The following RAB37 variants were observed in gnomAD, a reference collection of about 807,000 sequenced individuals.
The protein encoded by RAB37 is RAB37, member RAS oncogene family.
RAB37 carries 29 observed loss-of-function variants against 33.1 expected under a neutral mutation model. The ratio of observed to expected loss-of-function variants is 0.88; its 90% CI spans 0.65 to 1.20. The LOEUF is 1.20. Ranked by LOEUF, RAB37 falls within the 50% of genes most tolerant of loss-of-function variation. The pLI is 0.00. For synonymous variants in RAB37, 128 were observed against 119.5 expected (o/e 1.07, Z -0.47); for missense variants, 299 against 301.1 (o/e 0.99, Z 0.05).
intron 1 of RAB37, among the ~76,000 whole-genome samples, chr17:74,674,087 CT>C (rs1568051778): frequency 6.6e-6 from 1 of 152,072 alleles, no homozygotes; most frequent in East Asian, 1.9e-4. Context: ...AGGATAAATT[CT>C]TTTTTTGAAG....
At chr17:74,702,468 G>A (rs2033142931) in intron 1 of RAB37, among the ~76,000 whole-genome samples, 1 of 152,180 alleles carries the variant, frequency 6.6e-6, no homozygotes, top group South Asian at 2.1e-4. Flanking sequence ...ACAAAATAAT[G>A]CACAGGAAAG....
chr17:74,684,483 T>C (rs932838296), intron 1 of RAB37, among the ~76,000 whole-genome samples: 1 of 152,040 alleles, frequency 6.6e-6, no homozygotes, highest in African/African-American at 2.4e-5. Flanking sequence ...TGTTTCAAAA[T>C]ACATATCTTA....
Position 74,744,887 on chromosome 17 carries a change from C to A in RAB37, c.447C>A (p.Ser149Arg). The A allele has an allele frequency of 6.2e-7, 1 of 1,614,258 alleles. No homozygotes were observed. ...GGGCTTGACAGGCGGATATGAGCAG[C>A]GAAAGAGTGATCCGTTCCGAAGACG... ...MLLGNKADMSSERVIRSEDGE... is the reference protein window; with the variant it reads ...MLLGNKADMSRERVIRSEDGE... Residue 149 changes from serine (S) to arginine (R), a missense_variant, in exon 7 of 9, where the codon AGC becomes AGA. By Grantham distance (110) the Ser-to-Arg change is moderately radical. Transcript: ENST00000392613. The surrounding 1 kb of genome is among the most constrained non-coding windows in gnomAD (Gnocchi z 4.2).
chr17:74,744,852 T>A lies in RAB37; in HGVS notation c.433-21T>A. ...GGGGCGGAGGCCTCCTTCCCCAGAG[T>A]GACCCATTTGGGCTTGACAGGCGGA... On this transcript the variant is annotated intron_variant, in intron 6 of 8. Transcript: ENST00000392613. This position sits in a 1 kb window ranked among gnomAD's most constrained non-coding sequence, Gnocchi z 4.2. 6.2e-7 allele frequency: 1 copy of A among 1,614,112 alleles called. No homozygotes were observed.
In RAB37 at chr17:74,695,300, G is replaced by A; in HGVS notation, c.72+23642G>A. The A allele has an allele frequency of 1.2e-6, 2 of 1,606,638 alleles. 1 individual carries two copies. The highest frequency in any genetic ancestry group is 2.7e-5 in the African/African-American group (2 of 74,952). On this transcript the variant is annotated intron_variant, in intron 1 of 7. Transcript: ENST00000340415. ...TCAGAGAGGACGGCAGGAAGTGACG[G>A]TCACGGGGCAGAGGAGCCCTCGGAG...
At chr17:74,728,523 T>A (rs2034336337) in intron 1 of RAB37, among the ~76,000 whole-genome samples, 1 of 151,804 alleles carries the variant, frequency 6.6e-6, no homozygotes, top group African/African-American at 2.4e-5. Context: ...CATGTGTGTT[T>A]CTCTGTGTGT....
At position 74,729,646 on chromosome 17, in the gene RAB37, C is replaced by T. The variant is rs1836355786; in HGVS notation, c.183+280C>T. ...ACAAAGCAGGCTGCTGGGTGAGCTG[C>T]CTGGCAGGAGCTGCGTGGGACTTTC... is the stretch of plus-strand genomic sequence containing the variant. On this transcript the variant is annotated intron_variant, in intron 2 of 7. Transcript: ENST00000340415. This position sits in a 1 kb window ranked among gnomAD's most constrained non-coding sequence, Gnocchi z 4.2. Among the ~76,000 whole-genome samples, 1 of 151,980 alleles carries T rather than the reference C, an allele frequency of 6.6e-6. No individual in the cohort carries two copies. The highest frequency in any genetic ancestry group is 2.4e-5 in the African/African-American group (1 of 41,388).
chr17:74,741,701 C>T (rs142212953), intron 2 of RAB37, among the ~76,000 whole-genome samples: 2,474 of 152,096 alleles, frequency 0.016, 35 homozygotes, highest in South Asian at 0.032. Flanking sequence ...GGATGCTAGA[C>T]GCTGCACACC....
At chr17:74,712,925 C>T (rs758320992) in intron 1 of RAB37, 6 of 1,552,080 alleles carry the variant, frequency 3.9e-6, no homozygotes, top group Non-Finnish European at 5.3e-6. Flanking sequence ...GAACAAACTA[C>T]AGACTCCCAG....
intron 1 of RAB37, among the ~76,000 whole-genome samples, chr17:74,703,501 A>T (rs1391393528): frequency 6.6e-6 from 1 of 152,176 alleles, no homozygotes; most frequent in East Asian, 1.9e-4. Context: ...ACAGGAGCAG[A>T]GTGGGAACTT....
intron 1 of RAB37, chr17:74,694,981 C>T: frequency 8.5e-7 from 1 of 1,176,652 alleles, no homozygotes; most frequent in Non-Finnish European, 1.2e-6. Context: ...GCTGGCTGAT[C>T]AGGCAGAGGC....
intron 1 of RAB37, among the ~76,000 whole-genome samples, chr17:74,675,667 T>C (rs1166636816): frequency 6.6e-6 from 1 of 152,216 alleles, no homozygotes; most frequent in Non-Finnish European, 1.5e-5. Flanking sequence ...AACATCCCAG[T>C]TCTGACTTCC....
At chr17:74,692,148 G>A (rs1418693171) in intron 1 of RAB37, among the ~76,000 whole-genome samples, 1 of 152,096 alleles carries the variant, frequency 6.6e-6, no homozygotes, top group Non-Finnish European at 1.5e-5. Context: ...TTACAGGCAT[G>A]AGCCACCGCA....
At position 74,724,831 on chromosome 17, in the gene RAB37, T is replaced by G. The variant is rs2034286585; in HGVS notation, c.73-4425T>G. On this transcript the variant is annotated intron_variant, in intron 1 of 7. Transcript: ENST00000340415. ...GGAATGTGATCAGTTAAGGCTATTT[T>G]CACATCTTTTGTGGCTCTTCAGTTG... is the stretch of plus-strand genomic sequence containing the variant. Among the ~76,000 whole-genome samples, 4 of 152,230 alleles carry G rather than the reference T, an allele frequency of 2.6e-5. No homozygotes were observed. The South Asian group carries it at 8.3e-4, about 32-fold the overall frequency.
At chr17:74,683,610 T>G (rs565474599) in intron 1 of RAB37, among the ~76,000 whole-genome samples, 1 of 152,346 alleles carries the variant, frequency 6.6e-6, no homozygotes, top group Non-Finnish European at 1.5e-5. Flanking sequence ...ATAATGTTTG[T>G]ACAAGGACCC....
At chr17:74,693,591 C>T (rs150101175) in intron 1 of RAB37, among the ~76,000 whole-genome samples, 3 of 152,018 alleles carry the variant, frequency 2.0e-5, no homozygotes, top group South Asian at 2.1e-4. Flanking sequence ...TGGTGGGGTT[C>T]AGGGTACTTT....
chr17:74,734,532 T>C (rs2034437403), upstream of RAB37, among the ~76,000 whole-genome samples: 1 of 152,120 alleles, frequency 6.6e-6, no homozygotes, highest in Non-Finnish European at 1.5e-5. Flanking sequence ...TCCTCCACCA[T>C]TTCCCTCCTG....
At chr17:74,690,257 GC>G (rs2032135166) in intron 1 of RAB37, among the ~76,000 whole-genome samples, 1 of 152,048 alleles carries the variant, frequency 6.6e-6, no homozygotes, top group Admixed American at 6.6e-5. Flanking sequence ...ACGATGCCTG[GC>G]CTGGAATCTT....
chr17:74,695,935 G>A, intron 1 of RAB37: 4 of 1,516,988 alleles, frequency 2.6e-6, no homozygotes, highest in Non-Finnish European at 3.6e-6. Context: ...GGTGGGACGG[G>A]ACGAGAGCCT....
Sources: gnomAD v4.1 joint callset for allele counts (sites outside exome capture counted in the v4.1 genomes callset) on GRCh38, gnomAD v4.1.1 for gene constraint, Gnocchi (gnomAD v3.1) non-coding constraint, MANE v1.5 for transcripts, NCBI Gene and HGNC (gene_info 2026-07-23, HGNC 2026-07-21) for gene names.